ENKUR: variants seen among roughly 807,000 people sequenced by gnomAD.
ENKUR encodes enkurin.
In ENKUR, 19 loss-of-function variants were observed where a neutral mutation model predicts 27.6. The observed-to-expected ratio is 0.69, with a 90% CI of 0.48 to 1.01. ENKUR has a LOEUF of 1.01. ENKUR is among the 50% of genes least tolerant of loss of function. ENKUR has a pLI of 0.00. For missense variants in ENKUR, 312 were observed against 310.5 expected (o/e 1.00, Z -0.04); for synonymous variants, 117 against 96.9 (o/e 1.21, Z -1.22).
chr10:25,000,702 T>C (rs1268691869), intron 1 of ENKUR, among the ~76,000 whole-genome samples: 2 of 152,160 alleles, frequency 1.3e-5, no homozygotes, highest in South Asian at 2.1e-4. Context: ...AGTTTTCCTA[T>C]AGACTGCATA....
chr10:25,051,886 C>A lies in ENKUR; in HGVS notation c.37+9226G>T, dbSNP rs115289053. On this transcript the variant is annotated intron_variant, in intron 2 of 5. Transcript: ENST00000615958. ...GTCGTCATTCTGCTTAGAGCCTGTC[C>A]CCTGTTCCTCTGAAATGATTCTGCA... 5.1e-3 allele frequency among the ~76,000 whole-genome samples: 778 copies of A among 152,286 alleles called. 4 individuals carry two copies. The highest frequency in any genetic ancestry group is 0.018 in the African/African-American group (736 of 41,548).
At chr10:25,036,392 A>G (rs1851008574) in intron 2 of ENKUR, among the ~76,000 whole-genome samples, 1 of 152,222 alleles carries the variant, frequency 6.6e-6, no homozygotes, top group African/African-American at 2.4e-5. Flanking sequence ...CTGTGAGTCC[A>G]TTAAACCTCA....
intron 1 of ENKUR, among the ~76,000 whole-genome samples, chr10:25,009,153 G>C (rs976954856): frequency 1.2e-4 from 19 of 152,060 alleles, no homozygotes; most frequent in Non-Finnish European, 2.8e-4. Flanking sequence ...TATACCTAAC[G>C]TAAATGATGA....
intron 2 of ENKUR, chr10:25,024,457 G>A (rs745450253): frequency 4.3e-6 from 7 of 1,614,176 alleles, no homozygotes; most frequent in Non-Finnish European, 5.9e-6. Flanking sequence ...TGAGAATGGA[G>A]TAAGTGATTT....
chr10:25,035,557 AG>A (rs199836122), intron 2 of ENKUR, among the ~76,000 whole-genome samples: 10 of 136,208 alleles, frequency 7.3e-5, no homozygotes, highest in African/African-American at 2.6e-4. Flanking sequence ...CTCTGTCTCA[AG>A]GAAAAAAAAA....
chr10:25,052,011 A>T (rs1184419891), intron 2 of ENKUR, among the ~76,000 whole-genome samples: 1 of 152,264 alleles, frequency 6.6e-6, no homozygotes, highest in Non-Finnish European at 1.5e-5. Context: ...ATAGAAAAAA[A>T]TTCACATTAG....
chr10:25,000,239 A>G (rs1850156288), intron 1 of ENKUR, among the ~76,000 whole-genome samples: 2 of 152,288 alleles, frequency 1.3e-5, no homozygotes, highest in African/African-American at 4.8e-5. Flanking sequence ...TTTATGGCAC[A>G]AAGTATGTTC....
intron 1 of ENKUR, among the ~76,000 whole-genome samples, chr10:25,002,498 C>T (rs1850211172): frequency 1.3e-5 from 2 of 152,226 alleles, no homozygotes; most frequent in African/African-American, 4.8e-5. Flanking sequence ...CTGGGGCAGT[C>T]GTAGGGCTTG....
intron 2 of ENKUR, among the ~76,000 whole-genome samples, chr10:25,037,267 A>G (rs1697039888): frequency 6.6e-6 from 1 of 152,232 alleles, no homozygotes; most frequent in Non-Finnish European, 1.5e-5. Flanking sequence ...TGGAGAAATT[A>G]AGACTCATGG....
rs773114743 is a variant in ENKUR at position 25,023,514 on chromosome 10, G to A, written c.38-27645C>T. 3 of 1,614,108 alleles carry A rather than the reference G, an allele frequency of 1.9e-6. No homozygotes were observed. In the East Asian group the frequency reaches 6.7e-5, roughly 36 times the overall value. On this transcript the variant is annotated intron_variant, in intron 2 of 5. Coordinates refer to the ENKUR transcript ENST00000615958. ...ATATCCTTGAAAAAACCTGGAATAT[G>A]AGTGTGTCTGAAAAATTACAGGATG...
At chr10:24,991,598 C>G (rs943783406) in intron 3 of ENKUR, among the ~76,000 whole-genome samples, 1 of 152,108 alleles carries the variant, frequency 6.6e-6, no homozygotes, top group African/African-American at 2.4e-5. Context: ...GAGGAGAGCC[C>G]GGGCCACAGA....
intron 2 of ENKUR, among the ~76,000 whole-genome samples, chr10:25,050,419 A>AG (rs762977400): frequency 2.0e-5 from 3 of 152,184 alleles, no homozygotes; most frequent in Non-Finnish European, 4.4e-5. Context: ...AAGCCAAAGG[A>AG]GGAGCAAAGT....
chr10:25,025,273 A>G lies in ENKUR; in HGVS notation c.38-29404T>C. ...CATGCAGGCTTTAAAGATTAAAGAAATCAATGAGACTTCATCAAGTCAGCT... is the reference window on the plus strand; with the variant it reads ...CATGCAGGCTTTAAAGATTAAAGAAGTCAATGAGACTTCATCAAGTCAGCT... On this transcript the variant is annotated intron_variant, in intron 2 of 5. Coordinates refer to the ENKUR transcript ENST00000615958. The G allele has an allele frequency of 2.5e-6, 4 of 1,614,238 alleles. No individual in the cohort carries two copies.
In ENKUR at chr10:24,999,428, G is replaced by A. The variant is rs1036919438; in HGVS notation, c.196C>T (p.His66Tyr). 4 of 1,610,732 alleles carry A rather than the reference G, an allele frequency of 2.5e-6. No individual in the cohort carries two copies. The Admixed American group carries it at 6.8e-5, about 27-fold the overall frequency. Residue 66 changes from histidine (H) to tyrosine (Y), a missense_variant, in exon 2 of 6, where the codon CAT (histidine) becomes TAT (tyrosine). Transcript: ENST00000331161. ...VPSPKDFLKK[H>Y]SKEKTLPPKK... Reference sequence around the variant, plus strand: ...GGTGGTAGAGTTTTTTCCTTTGAATGTTTCTTTAGGAAATCCTTTGGAGAA... The same window carrying A: ...GGTGGTAGAGTTTTTTCCTTTGAATATTTCTTTAGGAAATCCTTTGGAGAA...
At position 24,983,049 on chromosome 10, in the gene ENKUR, A is replaced by T. The variant is rs894443883; in HGVS notation, c.*1321T>A. ...TCACAAATAAAATACTTACCTAAAC[A>T]TCTCATCCTGAATTGGCAGAGAAAG... On this transcript the variant is annotated 3_prime_UTR_variant, in exon 6 of 6. Coordinates refer to ENST00000331161, the MANE Select transcript of ENKUR (RefSeq NM_145010.4). The T allele has an allele frequency of 3.3e-5, 5 of 152,196 alleles. No homozygotes were observed. Among genetic ancestry groups the T allele is most frequent in the African/African-American group, 1.2e-4 (5 of 41,454 alleles). The allele number at this position is 152,196 out of a possible 1,614,324, so 9.4% of individuals were successfully genotyped here.
At chr10:24,985,922 G>A (rs915523238) in intron 4 of ENKUR, among the ~76,000 whole-genome samples, 4 of 152,110 alleles carry the variant, frequency 2.6e-5, no homozygotes, top group South Asian at 2.1e-4. Flanking sequence ...ACAAAAAATA[G>A]CCAGGTGTGG....
intron 3 of ENKUR, 73 bp from the exon 4 acceptor site, chr10:24,990,682 T>TG (rs2132675325): frequency 7.2e-7 from 1 of 1,391,286 alleles, no homozygotes; most frequent in African/African-American, 1.4e-5. Flanking sequence ...TATCAACTGA[T>TG]GATGGAAGAA....
At chr10:25,003,256 G>A (rs1289410502) in intron 1 of ENKUR, among the ~76,000 whole-genome samples, 2 of 151,948 alleles carry the variant, frequency 1.3e-5, no homozygotes, top group Admixed American at 1.3e-4. Flanking sequence ...GCCCAGGCTG[G>A]AGTGCAGTGG....
chr10:25,018,658 T>G (rs1167141725), upstream of ENKUR, among the ~76,000 whole-genome samples: 4 of 113,796 alleles, frequency 3.5e-5, no homozygotes, highest in Non-Finnish European at 7.9e-5. Flanking sequence ...AAATGAGAGT[T>G]GTTTTTTTTT....
Sources: gnomAD v4.1 joint callset for allele counts (sites outside exome capture counted in the v4.1 genomes callset) on GRCh38, gnomAD v4.1.1 for gene constraint, MANE v1.5 for transcripts, NCBI Gene and HGNC (gene_info 2026-07-23, HGNC 2026-07-21) for gene names.